Variants in TRIP11 observed in about 807,000 individuals in gnomAD.
The protein encoded by TRIP11 is thyroid hormone receptor interactor 11.
Under a neutral mutation model 223.1 loss-of-function variants are expected in TRIP11, and 148 were observed. That is an observed-to-expected ratio of 0.66 (90% confidence interval 0.58 to 0.76). The LOEUF (loss-of-function observed/expected upper bound fraction) is 0.76. Ranked by LOEUF, TRIP11 falls within the 30% of genes least tolerant of loss-of-function variation. The probability of loss-of-function intolerance (pLI) is 0.00; values close to 1 mark genes in which losing one functional copy is unlikely to be tolerated. For synonymous variants in TRIP11, 762 were observed against 772.6 expected (o/e 0.99, Z 0.23); for missense variants, 2,043 against 2,222.0 (o/e 0.92, Z 1.62).
chr14:91,972,012 C>T (rs1228748415), intron 20 of TRIP11, among the ~76,000 whole-genome samples: 1 of 152,054 alleles, frequency 6.6e-6, no homozygotes, highest in Non-Finnish European at 1.5e-5. Flanking sequence ...AAGAGCTCTT[C>T]CAATAAAGAA....
At chr14:92,015,906 T>C in intron 5 of TRIP11, 45 bp from the exon 6 acceptor site, 2 of 1,513,008 alleles carry the variant, frequency 1.3e-6, no homozygotes, top group Middle Eastern at 1.7e-4. Context: ...AATCAATAAA[T>C]TTATGTAAGC....
At chr14:92,033,287 T>A (rs561698804) in intron 1 of TRIP11, 34 bp from the exon 2 acceptor site, 1 of 1,506,528 alleles carries the variant, frequency 6.6e-7, no homozygotes, top group South Asian at 1.1e-5. Context: ...GAATATTTAA[T>A]CAATACCATA....
At position 92,038,258 on chromosome 14, in the gene TRIP11, G is replaced by A. The variant is rs140331701; in HGVS notation, c.139+1289C>T. On this transcript the variant is annotated intron_variant, in intron 1 of 20. Transcript: ENST00000267622. ...TAAACCTGGAAGACATCCAGGTTGA[G>A]GGATGCATATTCTCTGGCTTAGGGT... is the stretch of plus-strand genomic sequence containing the variant. 3.9e-5 allele frequency among the ~76,000 whole-genome samples: 6 copies of A among 152,254 alleles called. No individual in the cohort carries two copies. The East Asian group carries it at 1.2e-3, about 29-fold the overall frequency.
rs11160036 is a variant in TRIP11, at chr14:92,014,703, A to C, written c.824-126T>G. 243,136 of 985,612 alleles carry C rather than the reference A, an allele frequency of 0.25. 31,267 individuals carry two copies. Among genetic ancestry groups the C allele is most frequent in the East Asian group, 0.38 (14,146 of 36,910 alleles). The allele number at this position is 985,612 out of a possible 1,614,324, so 61.1% of individuals were successfully genotyped here. A position where few individuals can be genotyped will look rare whatever the true frequency, so the allele number is the denominator to read the frequency against. Reference sequence around the variant, plus strand: ...AAAGCTTAAAAGTTAAATTACTATAATAAACTAAGTGTTTTAAAATAAATA... The same window carrying C: ...AAAGCTTAAAAGTTAAATTACTATACTAAACTAAGTGTTTTAAAATAAATA... On this transcript the variant is annotated intron_variant, in intron 6 of 20. Transcript: ENST00000267622.
intron 5 of TRIP11, 39 bp downstream of exon 5, chr14:92,017,643 G>C (rs1244463806): frequency 6.7e-7 from 1 of 1,486,182 alleles, no homozygotes; most frequent in Non-Finnish European, 9.4e-7. Flanking sequence ...AGCAGATTTA[G>C]ATGTATAACT....
At chr14:92,001,529 A>C (rs918527803) in intron 11 of TRIP11, among the ~76,000 whole-genome samples, 1 of 152,210 alleles carries the variant, frequency 6.6e-6, no homozygotes, top group African/African-American at 2.4e-5. Context: ...TATATTATAT[A>C]CAGAGTATTG....
intron 14 of TRIP11, among the ~76,000 whole-genome samples, chr14:91,994,135 C>G (rs2056717145): frequency 6.6e-6 from 1 of 152,134 alleles, no homozygotes; most frequent in South Asian, 2.1e-4. Flanking sequence ...TCTTCTCTCC[C>G]TTCGTAACTC....
intron 3 of TRIP11, among the ~76,000 whole-genome samples, chr14:92,022,489 G>A (rs1333526081): frequency 6.6e-6 from 1 of 152,184 alleles, no homozygotes; most frequent in African/African-American, 2.4e-5. Flanking sequence ...GCGAAAATCT[G>A]ACCTATTTAG....
chr14:91,991,981 G>A (rs1340272988), intron 15 of TRIP11, among the ~76,000 whole-genome samples: 2 of 150,024 alleles, frequency 1.3e-5, no homozygotes, highest in South Asian at 2.1e-4. Context: ...TACTTGGGAG[G>A]CTGAGGCAGG....
Position 91,969,602 on chromosome 14 carries a change from G to A in TRIP11, c.*71C>T, listed in dbSNP as rs2056375716. Reference sequence around the variant, plus strand: ...TGACTTTCTCCCCAAAGGCCACTTTGTGATAAAGTACATACATATAGTGTT... The same window carrying A: ...TGACTTTCTCCCCAAAGGCCACTTTATGATAAAGTACATACATATAGTGTT... On this transcript the variant is annotated 3_prime_UTR_variant, in exon 21 of 21. Coordinates refer to ENST00000267622, the MANE Select transcript of TRIP11 (RefSeq NM_004239.4). 1.1e-5 allele frequency: 17 copies of A among 1,478,346 alleles called. No homozygotes were observed. The highest frequency in any genetic ancestry group is 1.5e-5 in the Non-Finnish European group (16 of 1,059,090). The allele number at this position is 1,478,346 out of a possible 1,614,324, so 91.6% of individuals were successfully genotyped here.
chr14:92,010,325 G>A (rs1490914629), intron 9 of TRIP11, among the ~76,000 whole-genome samples: 1 of 152,112 alleles, frequency 6.6e-6, no homozygotes, highest in African/African-American at 2.4e-5. Flanking sequence ...GAGGTCGGGA[G>A]TTTGAGACCA....
chr14:91,969,716 T>C lies in TRIP11; in HGVS notation c.5897A>G (p.Asp1966Gly). Residue 1966 changes from aspartate to glycine, a missense_variant, in exon 21 of 21, where the codon GAC becomes GGC. Asp to Gly is a moderately conservative substitution (Grantham distance 94, BLOSUM62 -1). Transcript: ENST00000267622. Reference sequence around the variant, plus strand: ...TTTCAGCACAACCCCAGCACTGTTGTCAGGTAACGCTGGCAAAGGTGTAAA... The same window carrying C: ...TTTCAGCACAACCCCAGCACTGTTGCCAGGTAACGCTGGCAAAGGTGTAAA... ...PTFTPLPALP[D>G]NSAGVVLKDL... is the part of the protein sequence containing the mutation. The C allele has an allele frequency of 1.2e-6, 2 of 1,613,050 alleles. No homozygotes were observed. Among genetic ancestry groups the C allele is most frequent in the Non-Finnish European group, 8.5e-7 (1 of 1,180,028 alleles).
intron 1 of TRIP11, among the ~76,000 whole-genome samples, chr14:92,034,443 G>A (rs1371044429): frequency 2.0e-5 from 3 of 147,544 alleles, no homozygotes; most frequent in Non-Finnish European, 4.4e-5. Context: ...AAAAGGAAAG[G>A]GAGCTGGAAC....
chr14:91,972,941 C>A (rs540604819), intron 19 of TRIP11, 80 bp from the exon 20 acceptor site: 3 of 1,142,436 alleles, frequency 2.6e-6, no homozygotes, highest in Non-Finnish European at 3.6e-6. Flanking sequence ...ACCAGCTTTT[C>A]TAATTAAATA....
Position 91,974,667 on chromosome 14 carries a change from T to C in TRIP11, c.5534A>G (p.Asn1845Ser). 1 of 1,612,710 alleles carries C rather than the reference T, an allele frequency of 6.2e-7. No homozygotes were observed. Among genetic ancestry groups the C allele is most frequent in the Non-Finnish European group, 8.5e-7 (1 of 1,179,970 alleles). Residue 1845 changes from asparagine (N) to serine (S), a missense_variant, in exon 19 of 21, where the codon AAC becomes AGC. Coordinates refer to ENST00000267622, the MANE Select transcript of TRIP11 (RefSeq NM_004239.4). ...TTGCTGATTTGGTCTCAAAGGTGTGTTGGGAACACTTTTTGATCCTCCTCC... is the reference window on the plus strand; with the variant it reads ...TTGCTGATTTGGTCTCAAAGGTGTGCTGGGAACACTTTTTGATCCTCCTCC... ...WLGGGSKSVPNTPLRPNQQSV... is the reference protein window; with the variant it reads ...WLGGGSKSVPSTPLRPNQQSV...
At chr14:92,010,484 T>C (rs770686172) in intron 9 of TRIP11, among the ~76,000 whole-genome samples, 7 of 151,704 alleles carry the variant, frequency 4.6e-5, no homozygotes, top group Non-Finnish European at 8.8e-5. Flanking sequence ...GACCCGAGAT[T>C]GCGCCACTGC....
At chr14:91,982,805 T>C (rs935773419) in intron 16 of TRIP11, among the ~76,000 whole-genome samples, 2 of 152,182 alleles carry the variant, frequency 1.3e-5, no homozygotes, top group Non-Finnish European at 2.9e-5. Context: ...CATGTGCTCT[T>C]TTATATTATC....
At position 92,005,654 on chromosome 14, in the gene TRIP11, T is replaced by G; in HGVS notation, c.2322A>C (p.Glu774Asp). 6.2e-7 allele frequency: 1 copy of G among 1,613,854 alleles called. No homozygotes were observed. Among genetic ancestry groups the G allele is most frequent in the Non-Finnish European group, 8.5e-7 (1 of 1,180,026 alleles). The change falls in exon 11 of 21, where the codon GAA becomes GAC. Residue 774 changes from glutamate to aspartate, a missense_variant. Transcript: ENST00000267622. ...CAATATTCTTTTTGAGTTCTGCTAT[T>G]TCCATGTCTTTCTTTTGATTGAGTT... ...LIKLNQKKDM[E>D]IAELKKNIEQ... is the part of the protein sequence containing the mutation.
Position 91,995,479 on chromosome 14 carries a change from T to C in TRIP11, c.4929A>G (p.Glu1643=). 5.0e-6 allele frequency: 8 copies of C among 1,614,152 alleles called. No individual in the cohort carries two copies. Among genetic ancestry groups the C allele is most frequent in the Non-Finnish European group, 6.8e-6 (8 of 1,180,018 alleles). The change falls in exon 14 of 21, where the codon GAA becomes GAG. Residue 1643 remains glutamate (E), a synonymous_variant. Transcript: ENST00000267622. ...TTTGCTTGGAAACTACATTCAACTG[T>C]TCTTGCAATGACTCTACCTGCACAC... ...QASVQVESLQ[E]QLNVVSKQRD... is the part of the protein sequence containing the mutation.
Sources: gnomAD v4.1 joint callset for allele counts (sites outside exome capture counted in the v4.1 genomes callset) on GRCh38, gnomAD v4.1.1 for gene constraint, MANE v1.5 for transcripts, NCBI Gene and HGNC (gene_info 2026-07-23, HGNC 2026-07-21) for gene names.